The following XKR7 variants were observed in gnomAD, a reference collection of about 807,000 sequenced individuals.
XKR7 encodes the protein XK-related protein 7.
XKR7 carries 11 observed loss-of-function variants against 42.2 expected under a neutral mutation model. The observed-to-expected ratio is 0.26, with a 90% CI of 0.16 to 0.43. The LOEUF is 0.43. Among genes scored for constraint, XKR7 ranks in the 20% least tolerant of loss-of-function variants. The pLI, the probability that XKR7 is intolerant of heterozygous loss-of-function variation, is 1.00. For missense variants in XKR7, 710 were observed against 802.2 expected (o/e 0.89, Z 1.39); for synonymous variants, 346 against 366.4 (o/e 0.94, Z 0.64).
At chr20:31,982,336 C>T (rs145886857) in intron 1 of XKR7, among the ~76,000 whole-genome samples, 2,740 of 152,118 alleles carry the variant, frequency 0.018, 45 homozygotes, top group Non-Finnish European at 0.028. Context: ...GCCTGGCTGA[C>T]ATGGCGAAAC....
At chr20:31,979,760 C>G (rs1379871526) in intron 1 of XKR7, among the ~76,000 whole-genome samples, 1 of 152,112 alleles carries the variant, frequency 6.6e-6, no homozygotes, top group Non-Finnish European at 1.5e-5. Flanking sequence ...GGAATCTAAC[C>G]CCCTCCCCCA....
intron 1 of XKR7, among the ~76,000 whole-genome samples, chr20:31,981,853 T>C (rs895453449): frequency 1.3e-5 from 2 of 152,338 alleles, no homozygotes; most frequent in South Asian, 4.1e-4. Context: ...ACTTCAGGAC[T>C]TTTGCCTATG....
chr20:31,985,880 GAC>G (rs1164610768), intron 1 of XKR7, among the ~76,000 whole-genome samples: 1 of 129,370 alleles, frequency 7.7e-6, no homozygotes, highest in Non-Finnish European at 1.6e-5. Context: ...GACACAGACA[GAC>G]AGACAGACAG....
At chr20:31,986,875 CACAG>C (rs781465461) in intron 1 of XKR7, among the ~76,000 whole-genome samples, 6 of 146,750 alleles carry the variant, frequency 4.1e-5, no homozygotes, top group East Asian at 4.2e-4. Flanking sequence ...GTATCCAAGA[CACAG>C]ACAGACAGAC....
chr20:31,975,088 C>G (rs1261818876), intron 1 of XKR7, among the ~76,000 whole-genome samples: 1 of 152,062 alleles, frequency 6.6e-6, no homozygotes, highest in Non-Finnish European at 1.5e-5. Context: ...GGCTTTGAAC[C>G]CAGCATCTGG....
chr20:31,989,721 T>C lies in XKR7; in HGVS notation c.585-5347T>C, dbSNP rs138432370. ...CTCGAACTCCTGGACTCAAGTGATCTTCCCACCTCAGCCTCCTGAGTAGCT... is the reference window on the plus strand; with the variant it reads ...CTCGAACTCCTGGACTCAAGTGATCCTCCCACCTCAGCCTCCTGAGTAGCT... On this transcript the variant is annotated intron_variant, in intron 1 of 2. Coordinates refer to ENST00000562532, the MANE Select transcript of XKR7 (RefSeq NM_001011718.2). 4.7e-3 allele frequency among the ~76,000 whole-genome samples: 720 copies of C among 152,274 alleles called. 3 individuals are homozygous for C. Among genetic ancestry groups the C allele is most frequent in the African/African-American group, 0.016 (649 of 41,550 alleles).
At chr20:31,974,990 C>T (rs974940406) in intron 1 of XKR7, among the ~76,000 whole-genome samples, 11 of 152,128 alleles carry the variant, frequency 7.2e-5, no homozygotes, top group Non-Finnish European at 1.0e-4. Context: ...ACAGCGGCGG[C>T]GGTTGGGCCC....
intron 1 of XKR7, among the ~76,000 whole-genome samples, chr20:31,993,393 C>A (rs2064578163): frequency 6.6e-6 from 1 of 152,122 alleles, no homozygotes; most frequent in African/African-American, 2.4e-5. Flanking sequence ...TGCAAAGTTT[C>A]TTTTCATTCA....
intron 1 of XKR7, among the ~76,000 whole-genome samples, chr20:31,986,105 C>G (rs1260751589): frequency 6.6e-6 from 1 of 150,774 alleles, no homozygotes; most frequent in Non-Finnish European, 1.5e-5. Flanking sequence ...AAGACACAGA[C>G]AGACCACCAA....
chr20:31,990,617 T>C (rs2064566134), intron 1 of XKR7, among the ~76,000 whole-genome samples: 1 of 152,236 alleles, frequency 6.6e-6, no homozygotes, highest in African/African-American at 2.4e-5. Context: ...CTATCAAGCA[T>C]ATTAAAATGC....
Position 31,977,700 on chromosome 20 carries a change from C to G in XKR7, c.584+8941C>G, listed in dbSNP as rs12480760. Among the ~76,000 whole-genome samples, 858 of 152,108 alleles carry G rather than the reference C, an allele frequency of 5.6e-3. 4 individuals carry two copies. Among genetic ancestry groups the G allele is most frequent in the African/African-American group, 0.019 (785 of 41,478 alleles). ...GTCCTAACTCTCACCCACTGACCCC[C>G]TATCGAGGAAGGAGAGTTGTTCTAT... On this transcript the variant is annotated intron_variant, in intron 1 of 2. Transcript: ENST00000562532.
intron 1 of XKR7, among the ~76,000 whole-genome samples, chr20:31,992,200 C>A (rs772551638): frequency 6.6e-6 from 1 of 152,164 alleles, no homozygotes; most frequent in Non-Finnish European, 1.5e-5. Context: ...CATCTTATAG[C>A]ATTATTTCAC....
intron 1 of XKR7, among the ~76,000 whole-genome samples, chr20:31,981,412 C>A (rs1185908242): frequency 6.6e-6 from 1 of 151,980 alleles, no homozygotes; most frequent in Non-Finnish European, 1.5e-5. Context: ...TAAAGACCAG[C>A]CAGTCACAGT....
chr20:31,976,166 G>A (rs1400780700), intron 1 of XKR7, among the ~76,000 whole-genome samples: 1 of 152,150 alleles, frequency 6.6e-6, no homozygotes, highest in African/African-American at 2.4e-5. Flanking sequence ...AGCATTATTG[G>A]CCCCATTTTA....
chr20:31,993,221 T>C (rs2064577517), intron 1 of XKR7, among the ~76,000 whole-genome samples: 1 of 151,546 alleles, frequency 6.6e-6, no homozygotes, highest in Non-Finnish European at 1.5e-5. Flanking sequence ...ATCAGAGAGT[T>C]TGGGGAGCCG....
At chr20:31,977,699 C>T (rs533366110) in intron 1 of XKR7, among the ~76,000 whole-genome samples, 143 of 152,226 alleles carry the variant, frequency 9.4e-4, no homozygotes, top group African/African-American at 3.2e-3. Flanking sequence ...CCACTGACCC[C>T]CTATCGAGGA....
In XKR7 at chr20:31,999,397, A is replaced by G. The variant is rs1346486886; in HGVS notation, c.*1940A>G. On this transcript the variant is annotated 3_prime_UTR_variant, in exon 3 of 3. Transcript: ENST00000562532. ...AACCATGATACGGGTCACCCTCCCC[A>G]CCAGCACACAGGCCGAGATGGTGTA... 1 of 152,216 alleles carries G rather than the reference A, an allele frequency of 6.6e-6. No individual in the cohort carries two copies. The highest frequency in any genetic ancestry group is 2.4e-5 in the African/African-American group (1 of 41,402). The allele number at this position is 152,216 out of a possible 1,614,324, so 9.4% of individuals were successfully genotyped here.
Position 31,995,066 on chromosome 20 carries a change from A to C in XKR7, c.585-2A>C. The C allele has an allele frequency of 6.5e-7, 1 of 1,543,282 alleles. No individual in the cohort carries two copies. The highest frequency in any genetic ancestry group is 8.7e-7 in the Non-Finnish European group (1 of 1,146,006). ...AGCCTGAGCACCGCGTCCTTCCCGC[A>C]GGTACCTGCGCGCCCTGTACCTGGG... On this transcript the variant is annotated splice_acceptor_variant, in intron 1 of 2. Transcript: ENST00000562532. LOFTEE classifies it high-confidence loss of function. This position sits in a 1 kb window ranked among gnomAD's most constrained non-coding sequence, Gnocchi z 4.1.
chr20:31,980,535 T>G (rs1247944164), intron 1 of XKR7, among the ~76,000 whole-genome samples: 2 of 152,204 alleles, frequency 1.3e-5, no homozygotes, highest in Non-Finnish European at 2.9e-5. Context: ...GCAACTCTGA[T>G]GCTTTCTGGC....
Sources: gnomAD v4.1 joint callset for allele counts (sites outside exome capture counted in the v4.1 genomes callset) on GRCh38, gnomAD v4.1.1 for gene constraint, Gnocchi (gnomAD v3.1) non-coding constraint, MANE v1.5 for transcripts, NCBI Gene and HGNC (gene_info 2026-07-23, HGNC 2026-07-21) for gene names.